The following TSNARE1 variants were observed in gnomAD, a reference collection of about 807,000 sequenced individuals.
TSNARE1 encodes the protein t-SNARE domain-containing protein 1.
TSNARE1 carries 49 observed loss-of-function variants against 62.0 expected under a neutral mutation model. The observed-to-expected ratio is 0.79, with a 90% CI of 0.63 to 1.00. TSNARE1 has a LOEUF of 1.00. Ranked by LOEUF, TSNARE1 falls within the 50% of genes least tolerant of loss-of-function variation. TSNARE1 has a pLI of 0.00. For missense variants in TSNARE1, 755 were observed against 700.1 expected, an observed-to-expected ratio of 1.08 and a Z score of -0.88; for synonymous variants, 328 against 294.4, an observed-to-expected ratio of 1.11 and a Z score of -1.17.
At chr8:142,314,346 C>T in intron 9 of TSNARE1, 38 bp downstream of exon 9, 1 of 1,589,240 alleles carries the variant, frequency 6.3e-7, no homozygotes, top group Non-Finnish European at 8.6e-7. Flanking sequence ...GGGCTGTCCC[C>T]TAACAGCCAC....
chr8:142,316,329 G>C (rs1828522775), intron 7 of TSNARE1, among the ~76,000 whole-genome samples: 1 of 151,826 alleles, frequency 6.6e-6, no homozygotes, highest in South Asian at 2.1e-4. Context: ...GCTATGAGGA[G>C]TGACCCATGC....
chr8:142,328,063 G>A (rs375094701), intron 6 of TSNARE1, among the ~76,000 whole-genome samples: 2 of 152,028 alleles, frequency 1.3e-5, no homozygotes, highest in East Asian at 3.9e-4. Context: ...GCCCCAAGGG[G>A]AGCGGGTCCT....
chr8:142,278,131 A>C, intron 11 of TSNARE1: 6 of 984,368 alleles, frequency 6.1e-6, no homozygotes, highest in African/African-American at 1.8e-5. Flanking sequence ...CCCATCCCCC[A>C]AGCCCCACCA....
Position 142,271,556 on chromosome 8 carries a change from G to A in TSNARE1, c.1446+3225C>T, listed in dbSNP as rs573807391. 9,564 of 1,391,010 alleles carry A rather than the reference G, an allele frequency of 6.9e-3. 43 individuals carry two copies. The highest frequency in any genetic ancestry group is 7.5e-3 in the Non-Finnish European group (8,030 of 1,075,826). The allele number at this position is 1,391,010 out of a possible 1,614,324, so 86.2% of individuals were successfully genotyped here. ...TGCTGGTGGGGTGGAGGCTGGGGAA[G>A]CAGGTGGGGAGGGTGAGGAGGTGGG... On this transcript the variant is annotated intron_variant, in intron 12 of 13. Coordinates refer to ENST00000524325, the MANE Select transcript of TSNARE1 (RefSeq NM_145003.5).
At chr8:142,299,889 T>C (rs190905666) in intron 10 of TSNARE1, among the ~76,000 whole-genome samples, 1 of 152,368 alleles carries the variant, frequency 6.6e-6, no homozygotes, top group African/African-American at 2.4e-5. Flanking sequence ...GTATTATACA[T>C]GTGTAAACTT....
chr8:142,299,398 C>T (rs1057011765), intron 10 of TSNARE1, among the ~76,000 whole-genome samples: 5 of 152,232 alleles, frequency 3.3e-5, no homozygotes, highest in Admixed American at 6.5e-5. Flanking sequence ...CAGACATTTG[C>T]TCTGGAAACC....
intron 12 of TSNARE1, among the ~76,000 whole-genome samples, chr8:142,242,612 A>T (rs1817715391): frequency 6.6e-6 from 1 of 152,250 alleles, no homozygotes; most frequent in Admixed American, 6.5e-5. Flanking sequence ...AGAGGACCTG[A>T]TGATTTTTAA....
At chr8:142,300,188 C>T (rs902825722) in intron 10 of TSNARE1, 3 of 290,004 alleles carry the variant, frequency 1.0e-5, no homozygotes, top group Non-Finnish European at 1.9e-5. Context: ...ATGAAATGGC[C>T]ATGGTGACTG....
At chr8:142,369,076 G>A (rs552522425) in intron 1 of TSNARE1, among the ~76,000 whole-genome samples, 2 of 152,198 alleles carry the variant, frequency 1.3e-5, no homozygotes, top group African/African-American at 4.8e-5. Context: ...TGAGACAACC[G>A]CCACCCGGCT....
intron 1 of TSNARE1, among the ~76,000 whole-genome samples, chr8:142,392,836 A>G (rs1205108305): frequency 6.6e-6 from 1 of 152,020 alleles, no homozygotes; most frequent in African/African-American, 2.4e-5. Context: ...GCTACTAAAG[A>G]GGCTGAGGCA....
At chr8:142,377,795 G>C (rs1180172810) in intron 1 of TSNARE1, among the ~76,000 whole-genome samples, 1 of 152,244 alleles carries the variant, frequency 6.6e-6, no homozygotes, top group Non-Finnish European at 1.5e-5. Context: ...ACTACCAGAA[G>C]CTGGAAGCAC....
intron 1 of TSNARE1, among the ~76,000 whole-genome samples, chr8:142,371,016 G>A (rs1299013943): frequency 1.3e-5 from 2 of 152,198 alleles, no homozygotes; most frequent in Non-Finnish European, 2.9e-5. Flanking sequence ...CACTTCAGCT[G>A]CCAAGGCTGT....
At chr8:142,345,503 C>A (rs1166990824) in intron 3 of TSNARE1, among the ~76,000 whole-genome samples, 2 of 152,194 alleles carry the variant, frequency 1.3e-5, no homozygotes, top group Admixed American at 1.3e-4. Context: ...CAGTCCTGAG[C>A]CTACAGGGTT....
intron 13 of TSNARE1, among the ~76,000 whole-genome samples, chr8:142,227,706 C>A (rs577959305): frequency 6.6e-6 from 1 of 152,242 alleles, no homozygotes; most frequent in African/African-American, 2.4e-5. Context: ...ACTGGGGAGA[C>A]CCCAGGGATG....
At chr8:142,374,153 A>G (rs927729410) in intron 1 of TSNARE1, among the ~76,000 whole-genome samples, 2 of 151,902 alleles carry the variant, frequency 1.3e-5, no homozygotes, top group Admixed American at 1.3e-4. Flanking sequence ...AAAATACAAA[A>G]GTTAGCCAGG....
At chr8:142,393,054 T>C (rs1439297944) in intron 1 of TSNARE1, among the ~76,000 whole-genome samples, 1 of 151,806 alleles carries the variant, frequency 6.6e-6, no homozygotes, top group Non-Finnish European at 1.5e-5. Flanking sequence ...CTTCCTGCCA[T>C]GTTTTAATTG....
intron 11 of TSNARE1, chr8:142,275,098 C>G (rs1397779759): frequency 1.0e-6 from 1 of 985,250 alleles, no homozygotes. Context: ...GGGGACTCCT[C>G]AGTGCCCACA....
intron 13 of TSNARE1, among the ~76,000 whole-genome samples, chr8:142,222,166 C>T (rs200997654): frequency 0.029 from 320 of 10,914 alleles, no homozygotes; most frequent in Middle Eastern, 0.1. Flanking sequence ...ATCCACTCAT[C>T]CACTCACTCA....
In TSNARE1 at chr8:142,264,152, C is replaced by T. The variant is rs192899421; in HGVS notation, c.1446+10629G>A. Among the ~76,000 whole-genome samples, 412 of 152,290 alleles carry T rather than the reference C, an allele frequency of 2.7e-3. 4 individuals carry two copies. The highest frequency in any genetic ancestry group is 9.4e-3 in the African/African-American group (390 of 41,562). On this transcript the variant is annotated intron_variant, in intron 12 of 13. Transcript: ENST00000524325. ...TCATGTCTTTGTACCTAGCTATTAA[C>T]TTCATATCCCTTAATGATTTCTTCT...
Sources: allele counts gnomAD v4.1 joint callset (sites outside exome capture counted in the v4.1 genomes callset), GRCh38; gene constraint gnomAD v4.1.1; transcripts MANE v1.5; gene names NCBI Gene and HGNC (gene_info 2026-07-23, HGNC 2026-07-21).